Variants in HCST observed in about 807,000 individuals in gnomAD.
The protein encoded by HCST is hematopoietic cell signal transducer, also known as DNAX-activation protein 10.
In HCST, 12 loss-of-function variants were observed where a neutral mutation model predicts 10.8. That is an observed-to-expected ratio of 1.12 (90% CI 0.72 to 1.81). HCST has a LOEUF of 1.81. Ranked by LOEUF, HCST falls within the 40% of genes most tolerant of loss-of-function variation. The pLI is 0.00. For missense variants in HCST, 102 were observed against 117.9 expected, an observed-to-expected ratio of 0.87 and a Z score of 0.62; for synonymous variants, 59 against 51.6, an observed-to-expected ratio of 1.14 and a Z score of -0.61.
At position 35,904,190 on chromosome 19, in the gene HCST, G is replaced by GAT. The variant is rs1438581986; in HGVS notation, c.*31_*32insTA. The GAT allele has an allele frequency of 1.9e-6, 3 of 1,611,726 alleles. No individual in the cohort carries two copies. Among genetic ancestry groups the GAT allele is most frequent in the Non-Finnish European group, 2.5e-6 (3 of 1,177,968 alleles). On this transcript the variant is annotated 3_prime_UTR_variant, in exon 4 of 4. Transcript: ENST00000246551. ...CCTGCAGCTTGGACCTTTGACTTCT[G>GAT]ACCCTCTCATCCTGGATGGTGTGTG...
chr19:35,903,282 T>C, intron 1 of HCST, 69 bp from the exon 2 acceptor site: 1 of 1,380,420 alleles, frequency 7.2e-7, no homozygotes, highest in Non-Finnish European at 1.0e-6. Context: ...TGAGCCACGG[T>C]GCCAGGCTGA....
chr19:35,903,659 A>G (rs576266552), intron 2 of HCST, 113 bp from the exon 3 acceptor site: 9 of 1,503,736 alleles, frequency 6.0e-6, no homozygotes, highest in African/African-American at 1.4e-5. Flanking sequence ...GCGCAACTCC[A>G]AGGAACCTGG....
At chr19:35,903,033 C>A in intron 1 of HCST, 1 of 439,176 alleles carries the variant, frequency 2.3e-6, no homozygotes, top group Non-Finnish European at 4.2e-6. Context: ...CTCTGTTGTC[C>A]AGGCTGGAGT....
chr19:35,903,143 A>C, intron 1 of HCST: 1 of 525,314 alleles, frequency 1.9e-6, no homozygotes. Flanking sequence ...GGTGTGAACC[A>C]ACACTTCCAG....
chr19:35,904,139 C>T lies in HCST; in HGVS notation c.261C>T (p.Ile87=). The stretch of plus-strand genomic sequence containing the variant: ...CCCCAGAAGATGGCAAAGTCTACAT[C>T]AACATGCCAGGCAGGGGCTGACCCT... ...SPAQEDGKVY[I]NMPGRG is the part of the protein sequence containing the mutation. The change falls in exon 4 of 4, where the codon ATC becomes ATT. Residue 87 remains isoleucine (I), a synonymous_variant. Transcript: ENST00000246551. 2 of 1,614,140 alleles carry T rather than the reference C, an allele frequency of 1.2e-6. No homozygotes were observed. The highest frequency in any genetic ancestry group is 1.7e-6 in the Non-Finnish European group (2 of 1,179,988).
intron 1 of HCST, 187 bp downstream of exon 1, chr19:35,902,823 G>A: frequency 1.7e-6 from 1 of 601,628 alleles, no homozygotes; most frequent in Non-Finnish European, 2.9e-6. Flanking sequence ...GAGTTCTGGA[G>A]GGGCTGCCTG....
intron 1 of HCST, 158 bp from the exon 2 acceptor site, chr19:35,903,193 G>T (rs1026215778): frequency 7.4e-5 from 46 of 621,536 alleles, no homozygotes; most frequent in Non-Finnish European, 1.5e-5. Flanking sequence ...GTCTCACTAT[G>T]TTGCCCAGGC....
At chr19:35,902,757 G>T (rs1309136224) in intron 1 of HCST, 121 bp downstream of exon 1, 2 of 1,034,304 alleles carry the variant, frequency 1.9e-6, no homozygotes, top group African/African-American at 3.2e-5. Flanking sequence ...TCCCTTCTGG[G>T]AGATCCATTC....
At chr19:35,903,491 C>T in intron 2 of HCST, 75 bp downstream of exon 2, 2 of 1,292,482 alleles carry the variant, frequency 1.5e-6, no homozygotes, top group Non-Finnish European at 2.3e-6. Context: ...ACCATCCCAC[C>T]TCCCGTCCCC....
In HCST at chr19:35,902,635, A is replaced by G. The variant is rs142787318; in HGVS notation, c.42A>G (p.Pro14=). The change falls in exon 1 of 4, where the codon CCA becomes CCG. Residue 14 remains proline, a splice_region_variant and synonymous_variant. Transcript: ENST00000246551. ...LGHILFLLLL[P]VAAAQTTPGE... ...ACATCCTCTTCCTGCTTTTGCTCCC[A>G]GGTGAAGCCAGTGGTTACAGGGGAT... is the stretch of plus-strand genomic sequence containing the variant. 3.1e-6 allele frequency: 5 copies of G among 1,613,994 alleles called. No homozygotes were observed. The African/African-American group carries it at 6.7e-5, about 22-fold the overall frequency.
chr19:35,903,200 A>T (rs554813566), intron 1 of HCST, 151 bp from the exon 2 acceptor site: 1 of 647,726 alleles, frequency 1.5e-6, no homozygotes, highest in South Asian at 1.6e-5. Flanking sequence ...TATGTTGCCC[A>T]GGCTGGTCTC....
chr19:35,902,744 C>A, intron 1 of HCST, 108 bp downstream of exon 1: 2 of 1,136,372 alleles, frequency 1.8e-6, no homozygotes, highest in Non-Finnish European at 2.6e-6. Flanking sequence ...TCCCTGCACC[C>A]CTTCCCTTCT....
At chr19:35,902,735 C>A in intron 1 of HCST, 99 bp downstream of exon 1, 1 of 1,187,726 alleles carries the variant, frequency 8.4e-7, no homozygotes, top group South Asian at 1.3e-5. Context: ...GGGTTCTTCT[C>A]CCTGCACCCC....
rs1407996774 is a variant in HCST, at chr19:35,903,366, C to T, written c.59C>T (p.Thr20Met). 10 of 1,613,580 alleles carry T rather than the reference C, an allele frequency of 6.2e-6. No individual in the cohort carries two copies. The highest frequency in any genetic ancestry group is 8.5e-6 in the Non-Finnish European group (10 of 1,179,804). The change falls in exon 2 of 4, where the codon ACG becomes ATG. Residue 20 changes from threonine to methionine, a missense_variant. Transcript: ENST00000246551. ...CTTTCCACAGTGGCTGCAGCTCAGA[C>T]GACTCCAGGAGAGAGATCATCACTC... Reference protein sequence around the residue: ...LLLLPVAAAQTTPGERSSLPA... With the variant: ...LLLLPVAAAQMTPGERSSLPA...
rs1315501540 is a variant in HCST at position 35,903,845 on chromosome 19, G to A, written c.183G>A (p.Ser61=). The part of the protein sequence containing the change: ...AGLVAADAVA[S]LLIVGAVFLC... ...TCGTGGCTGCTGATGCGGTGGCATC[G>A]CTGCTCATCGTGGGGGCGGTGTTCC... The change falls in exon 3 of 4, where the codon TCG becomes TCA. Residue 61 remains serine, a synonymous_variant. Coordinates refer to ENST00000246551, the MANE Select transcript of HCST (RefSeq NM_014266.4). 10 of 1,613,542 alleles carry A rather than the reference G, an allele frequency of 6.2e-6. No individual in the cohort carries two copies. The East Asian group carries it at 1.8e-4, about 29-fold the overall frequency.
chr19:35,903,407 G>A lies in HCST; in HGVS notation c.100G>A (p.Gly34Ser), dbSNP rs1975631628. 2 of 1,613,714 alleles carry A rather than the reference G, an allele frequency of 1.2e-6. No individual in the cohort carries two copies. Among genetic ancestry groups the A allele is most frequent in the East Asian group, 2.2e-5 (1 of 44,876 alleles). The stretch of plus-strand genomic sequence containing the variant: ...ATCATCACTCCCTGCCTTTTACCCT[G>A]GCACTTCAGGTATCACTTCCACCCC... ...ERSSLPAFYP[G>S]TSGSCSGCGS... Residue 34 changes from glycine to serine, a missense_variant, in exon 2 of 4, where the codon GGC becomes AGC. By Grantham distance (56) the Gly-to-Ser change is moderately conservative. Coordinates refer to ENST00000246551, the MANE Select transcript of HCST (RefSeq NM_014266.4).
At chr19:35,903,680 C>A in intron 2 of HCST, 92 bp from the exon 3 acceptor site, 1 of 1,582,724 alleles carries the variant, frequency 6.3e-7, no homozygotes, top group Non-Finnish European at 8.6e-7. Flanking sequence ...GACCCGCCCC[C>A]TCGCAGGGGA....
At position 35,904,145 on chromosome 19, in the gene HCST, G is replaced by T; in HGVS notation, c.267G>T (p.Met89Ile). ...AAGATGGCAAAGTCTACATCAACAT[G>T]CCAGGCAGGGGCTGACCCTCCTGCA... is the stretch of plus-strand genomic sequence containing the variant. ...AQEDGKVYIN[M>I]PGRG Residue 89 changes from methionine (M) to isoleucine (I), a missense_variant, in exon 4 of 4, where the codon ATG becomes ATT. Physicochemically the swap from Met to Ile is conservative, Grantham distance 10. Coordinates refer to ENST00000246551, the MANE Select transcript of HCST (RefSeq NM_014266.4). 3.7e-6 allele frequency: 6 copies of T among 1,614,128 alleles called. No homozygotes were observed. The highest frequency in any genetic ancestry group is 5.1e-6 in the Non-Finnish European group (6 of 1,179,980).
In HCST at chr19:35,904,338, G is replaced by A. The variant is rs1415881432; in HGVS notation, c.*178G>A. ...GCCTCCCTCCCATGAACTGTTTCTG[G>A]ATCCAAGGCCCCCTCAGAACCCCCA... is the stretch of plus-strand genomic sequence containing the variant. On this transcript the variant is annotated 3_prime_UTR_variant, in exon 4 of 4. Transcript: ENST00000246551. The A allele has an allele frequency of 2.4e-6, 2 of 827,032 alleles. No homozygotes were observed. The highest frequency in any genetic ancestry group is 5.3e-5 in the East Asian group (2 of 38,026). The allele number at this position is 827,032 out of a possible 1,614,324, so 51.2% of individuals were successfully genotyped here.
Sources: gnomAD v4.1 joint callset for allele counts on GRCh38, gnomAD v4.1.1 for gene constraint, MANE v1.5 for transcripts, NCBI Gene and HGNC (gene_info 2026-07-23, HGNC 2026-07-21) for gene names.